Variants in CHD5 observed in about 807,000 individuals in gnomAD.
CHD5 encodes ATP-dependent chromatin remodeler CHD5.
A neutral mutation model predicts 230.3 loss-of-function variants in CHD5; 69 were observed. The ratio of observed to expected loss-of-function variants is 0.30; its 90% CI spans 0.25 to 0.37. The LOEUF is 0.37. Among genes scored for constraint, CHD5 ranks in the 10% least tolerant of loss-of-function variants. The pLI, the probability that CHD5 is intolerant of heterozygous loss-of-function variation, is 1.00. For missense variants in CHD5, 1,827 were observed against 2,622.8 expected (o/e 0.70, Z 6.63); for synonymous variants, 1,064 against 1,065.9 (o/e 1.00, Z 0.03).
chr1:6,112,384 T>C, intron 34 of CHD5, 107 bp from the exon 35 acceptor site: 1 of 1,393,110 alleles, frequency 7.2e-7, no homozygotes, highest in Non-Finnish European at 9.9e-7. Flanking sequence ...GAAAACATCC[T>C]CTTGTCCTCA....
At chr1:6,169,082 G>A (rs1272575940) in intron 1 of CHD5, among the ~76,000 whole-genome samples, 1 of 151,708 alleles carries the variant, frequency 6.6e-6, no homozygotes, top group African/African-American at 2.4e-5. Flanking sequence ...CCCCAAACCT[G>A]AGGACCCCAG....
chr1:6,122,316 C>A (rs1666484725), intron 31 of CHD5, among the ~76,000 whole-genome samples: 1 of 152,166 alleles, frequency 6.6e-6, no homozygotes, highest in Non-Finnish European at 1.5e-5. Context: ...GCACAAATGA[C>A]CCAATTAAGT....
At chr1:6,174,064 A>G (rs1667381191) in intron 1 of CHD5, among the ~76,000 whole-genome samples, 1 of 151,694 alleles carries the variant, frequency 6.6e-6, no homozygotes, top group Non-Finnish European at 1.5e-5. Flanking sequence ...GTGCAGGGAA[A>G]GCAGGGAGAG....
At chr1:6,123,868 G>C (rs1666510663) in intron 31 of CHD5, 80 bp downstream of exon 31, 2 of 1,025,958 alleles carry the variant, frequency 1.9e-6, no homozygotes, top group South Asian at 4.6e-5. Context: ...CTGTGGGATT[G>C]TGGGTTAGAC....
chr1:6,124,638 C>T lies in CHD5; in HGVS notation c.4418G>A (p.Arg1473Gln). ...EFRAYVSLFM[R>Q]HLCEPGADGA... is the part of the protein sequence containing the mutation. ...ATCCGCCCCCGGCTCACACAGGTGC[C>T]GCATGAAGAGGGACACATAGGCTCT... is the stretch of plus-strand genomic sequence containing the variant. Residue 1473 changes from arginine (R) to glutamine (Q), a missense_variant, in exon 30 of 42, where the codon CGG becomes CAG. This residue lies in a region of CHD5 where 108 missense variants were observed against 152.4 expected (regional missense o/e 0.71). Transcript: ENST00000262450. The T allele has an allele frequency of 1.3e-6, 2 of 1,510,038 alleles. No individual in the cohort carries two copies. Among genetic ancestry groups the T allele is most frequent in the Non-Finnish European group, 1.8e-6 (2 of 1,115,442 alleles). 93.5% of individuals were successfully genotyped at this position (1,510,038 alleles called of 1,614,324 possible).
At chr1:6,150,076 A>G (rs769930893) in intron 7 of CHD5, among the ~76,000 whole-genome samples, 6 of 149,704 alleles carry the variant, frequency 4.0e-5, no homozygotes, top group Non-Finnish European at 8.9e-5. Context: ...GGATGGATGC[A>G]TAGATGGACA....
chr1:6,178,025 T>G (rs981464843), intron 1 of CHD5, among the ~76,000 whole-genome samples: 9 of 152,092 alleles, frequency 5.9e-5, no homozygotes, highest in African/African-American at 2.2e-4. Context: ...GACAGAGGCT[T>G]GGACCCAGAA....
At chr1:6,158,257 G>A (rs765611119) in intron 3 of CHD5, among the ~76,000 whole-genome samples, 11 of 152,144 alleles carry the variant, frequency 7.2e-5, no homozygotes, top group Non-Finnish European at 1.6e-4. Context: ...CCATGTTCCT[G>A]GGGACGCTGG....
rs777194948 is a variant in CHD5, at chr1:6,131,755, G to A, written c.3145-7C>T. ...GGTCCAGCATCTTGGTCATCTGCAGGGGAGACGGGCACGTGAGGAACTGCC... is the reference window on the plus strand; with the variant it reads ...GGTCCAGCATCTTGGTCATCTGCAGAGGAGACGGGCACGTGAGGAACTGCC... On this transcript the variant is annotated splice_region_variant and splice_polypyrimidine_tract_variant and intron_variant, in intron 20 of 41. Coordinates refer to ENST00000262450, the MANE Select transcript of CHD5 (RefSeq NM_015557.3). The surrounding 1 kb of genome is among the most constrained non-coding windows in gnomAD (Gnocchi z 5.0). 14 of 1,589,454 alleles carry A rather than the reference G, an allele frequency of 8.8e-6. No homozygotes were observed. Among genetic ancestry groups the A allele is most frequent in the Middle Eastern group, 1.7e-4 (1 of 6,018 alleles).
rs755236048 is a variant in CHD5, at chr1:6,128,797, A to G, written c.3619+41T>C. On this transcript the variant is annotated intron_variant, in intron 23 of 41. Coordinates refer to ENST00000262450, the MANE Select transcript of CHD5 (RefSeq NM_015557.3). The surrounding 1 kb of genome is among the most constrained non-coding windows in gnomAD (Gnocchi z 7.8). Reference sequence around the variant, plus strand: ...CCTGGATGGGTGTCTCAGCCGGGCCACCCCAGTCCCCTGCCACGCTCCCTC... The same window carrying G: ...CCTGGATGGGTGTCTCAGCCGGGCCGCCCCAGTCCCCTGCCACGCTCCCTC... 1.3e-6 allele frequency: 2 copies of G among 1,555,990 alleles called. No homozygotes were observed. The highest frequency in any genetic ancestry group is 1.8e-6 in the Non-Finnish European group (2 of 1,131,860).
At chr1:6,135,049 A>G (rs777852402) in intron 18 of CHD5, among the ~76,000 whole-genome samples, 181 bp downstream of exon 18, 1 of 152,174 alleles carries the variant, frequency 6.6e-6, no homozygotes, top group Non-Finnish European at 1.5e-5. Context: ...CCAGCACTCA[A>G]GCGACCCAAA....
At chr1:6,150,910 G>A (rs12564469) in intron 7 of CHD5, 122 bp downstream of exon 7, 394,677 of 1,231,724 alleles carry the variant, frequency 0.32, 72,609 homozygotes, top group East Asian at 0.73. Context: ...TGCTTCCCAC[G>A]GGGAGGTTCC....
At chr1:6,111,211 C>A (rs1176246323) in intron 36 of CHD5, among the ~76,000 whole-genome samples, 48 of 141,842 alleles carry the variant, frequency 3.4e-4, no homozygotes, top group African/African-American at 1.2e-3. Flanking sequence ...GCCTAGGCCA[C>A]AGAGCGAGAC....
chr1:6,137,393 C>G (rs552720847), intron 15 of CHD5, among the ~76,000 whole-genome samples: 2 of 152,052 alleles, frequency 1.3e-5, no homozygotes, highest in Non-Finnish European at 2.9e-5. Context: ...AGGCGTGAGC[C>G]ACCACGACCA....
At chr1:6,150,459 T>C (rs1432408125) in intron 7 of CHD5, among the ~76,000 whole-genome samples, 2 of 144,408 alleles carry the variant, frequency 1.4e-5, no homozygotes, top group Non-Finnish European at 3.0e-5. Context: ...GATGGATGGA[T>C]GGATGGACGG....
chr1:6,146,260 T>G lies in CHD5; in HGVS notation c.1754A>C (p.Tyr585Ser). ...YAKMEERFYR[Y>S]GIKPEWMMIH... ...CATCATCCACTCTGGCTTGATGCCA[T>G]AGCGGTAGAAGCGCTCCTCCATCTT... The change falls in exon 11 of 42, where the codon TAT becomes TCT. Residue 585 changes from tyrosine (Y) to serine (S), a missense_variant. Transcript: ENST00000262450. The surrounding 1 kb of genome is among the most constrained non-coding windows in gnomAD (Gnocchi z 5.1). The G allele has an allele frequency of 6.2e-7, 1 of 1,614,186 alleles. No individual in the cohort carries two copies. Among genetic ancestry groups the G allele is most frequent in the Non-Finnish European group, 8.5e-7 (1 of 1,180,024 alleles).
At chr1:6,110,553 C>G (rs1029813397) in intron 36 of CHD5, 27 bp from the exon 37 acceptor site, 4 of 1,610,192 alleles carry the variant, frequency 2.5e-6, no homozygotes, top group Middle Eastern at 1.8e-4. Context: ...TAAGGGCAAA[C>G]CTGGCCGTTA....
Position 6,148,959 on chromosome 1 carries a change from G to A in CHD5, c.1278C>T (p.Gly426=), listed in dbSNP as rs1463941391. 3.1e-6 allele frequency: 5 copies of A among 1,603,938 alleles called. No homozygotes were observed. The highest frequency in any genetic ancestry group is 4.3e-6 in the Non-Finnish European group (5 of 1,175,444). Residue 426 remains glycine, a synonymous_variant, in exon 9 of 42, where the codon GGC becomes GGT. Transcript: ENST00000262450. ...MEFCRVCKDG[G]ELLCCDACPS... is the part of the protein sequence containing the mutation. ...GGCAGGCGTCGCAGCAGAGCAGCTC[G>A]CCCCCGTCCTTGCACACGCGGCAGA...
intron 37 of CHD5, 25 bp downstream of exon 37, chr1:6,110,368 CA>C: frequency 6.2e-7 from 1 of 1,613,318 alleles, no homozygotes. Flanking sequence ...CTGCCCCGTG[CA>C]GCCCTGGCCC....
Sources: allele counts gnomAD v4.1 joint callset (sites outside exome capture counted in the v4.1 genomes callset), GRCh38; gene constraint gnomAD v4.1.1; regional missense constraint gnomAD v4.1.1; non-coding constraint Gnocchi (gnomAD v3.1); transcripts MANE v1.5; gene names NCBI Gene and HGNC (gene_info 2026-07-23, HGNC 2026-07-21).